Variants in RPS6KC1 observed in about 807,000 individuals in gnomAD.
RPS6KC1 encodes the protein ribosomal protein S6 kinase C1.
In RPS6KC1, 54 loss-of-function variants were observed where a neutral mutation model predicts 103.8. The observed-to-expected ratio is 0.52, with a 90% CI of 0.42 to 0.65. The LOEUF (loss-of-function observed/expected upper bound fraction) is 0.65, where lower values mean the gene tolerates loss of function less well. Among genes scored for constraint, RPS6KC1 ranks in the 30% least tolerant of loss-of-function variants. The pLI is 0.00. For missense variants in RPS6KC1, 1,151 were observed against 1,253.8 expected, an observed-to-expected ratio of 0.92 and a Z score of 1.24; for synonymous variants, 439 against 438.7, an observed-to-expected ratio of 1.00 and a Z score of -0.01.
the RPS6KC1 span, among the ~76,000 whole-genome samples, chr1:213,600,969 A>T: frequency 6.6e-6 from 1 of 152,246 alleles, no homozygotes; most frequent in African/African-American, 2.4e-5. Flanking sequence ...GGAGGATGAG[A>T]CAGTGGGGCT....
chr1:213,421,550 T>C, the RPS6KC1 span, among the ~76,000 whole-genome samples: 1 of 152,216 alleles, frequency 6.6e-6, no homozygotes, highest in Non-Finnish European at 1.5e-5. Flanking sequence ...GGGTTTGACA[T>C]CCATACAGGG....
At chr1:213,308,332 AAAGAG>A in the RPS6KC1 span, among the ~76,000 whole-genome samples, 1,662 of 151,424 alleles carry the variant, frequency 0.011, 54 homozygotes, top group East Asian at 0.083. Flanking sequence ...AAAAAAAAAA[AAAGAG>A]AGAAAGAAGA....
chr1:213,567,954 T>G, the RPS6KC1 span, among the ~76,000 whole-genome samples: 1 of 152,202 alleles, frequency 6.6e-6, no homozygotes. Flanking sequence ...TTGAGGAGCC[T>G]TTTGGATTTT....
chr1:213,438,099 C>G, the RPS6KC1 span, among the ~76,000 whole-genome samples: 1 of 152,030 alleles, frequency 6.6e-6, no homozygotes, highest in Non-Finnish European at 1.5e-5. Flanking sequence ...CTCTTTACTT[C>G]TTAACATTTG....
the RPS6KC1 span, among the ~76,000 whole-genome samples, chr1:213,549,271 G>A: frequency 1.3e-5 from 2 of 152,220 alleles, no homozygotes; most frequent in Non-Finnish European, 2.9e-5. Flanking sequence ...GTCTTAGGTG[G>A]TGGAGGAAGG....
chr1:213,461,147 C>G, the RPS6KC1 span, among the ~76,000 whole-genome samples: 1 of 152,142 alleles, frequency 6.6e-6, no homozygotes, highest in African/African-American at 2.4e-5. Flanking sequence ...CAATAATAAA[C>G]AGAGAGCCAA....
Position 213,240,951 on chromosome 1 carries a change from A to G in RPS6KC1, c.1475A>G (p.Asp492Gly). ...AGCAACCAGGAAGATGATGGCCAAGATAGCTCTCCAAAGTGGCCAGATTCT... is the reference window on the plus strand; with the variant it reads ...AGCAACCAGGAAGATGATGGCCAAGGTAGCTCTCCAAAGTGGCCAGATTCT... The part of the protein sequence containing the change: ...DDSNQEDDGQ[D>G]SSPKWPDSGS... The change falls in exon 11 of 15, where the codon GAT becomes GGT. Residue 492 changes from aspartate to glycine, a missense_variant. Transcript: ENST00000366960. The G allele has an allele frequency of 6.2e-7, 1 of 1,613,908 alleles. No homozygotes were observed. The highest frequency in any genetic ancestry group is 8.5e-7 in the Non-Finnish European group (1 of 1,179,954).
chr1:213,071,584 A>G (rs888753673), intron 2 of RPS6KC1, among the ~76,000 whole-genome samples: 9 of 152,202 alleles, frequency 5.9e-5, no homozygotes, highest in African/African-American at 2.2e-4. Context: ...GCTGTTTACT[A>G]AGTGATCATT....
intron 12 of RPS6KC1, among the ~76,000 whole-genome samples, chr1:213,258,907 A>T (rs1403038087): frequency 6.6e-6 from 1 of 152,128 alleles, no homozygotes; most frequent in African/African-American, 2.4e-5. Flanking sequence ...TAGCATATGT[A>T]CTTTGAAAGA....
chr1:213,594,415 A>G, the RPS6KC1 span, among the ~76,000 whole-genome samples: 1 of 152,220 alleles, frequency 6.6e-6, no homozygotes, highest in African/African-American at 2.4e-5. Flanking sequence ...TTATTAAATA[A>G]GTTTTACCCT....
At chr1:213,142,621 A>G (rs1303240020) in intron 6 of RPS6KC1, among the ~76,000 whole-genome samples, 1 of 152,054 alleles carries the variant, frequency 6.6e-6, no homozygotes, top group East Asian at 1.9e-4. Context: ...ACAGGGTTGC[A>G]AAGTATTTTT....
chr1:213,173,159 C>T (rs1316158608), intron 7 of RPS6KC1, among the ~76,000 whole-genome samples: 1 of 152,194 alleles, frequency 6.6e-6, no homozygotes, highest in Non-Finnish European at 1.5e-5. Context: ...CTTTTGCCAT[C>T]TGAAGAAAGG....
chr1:213,218,230 A>T (rs2148743977), intron 8 of RPS6KC1, among the ~76,000 whole-genome samples: 1 of 152,220 alleles, frequency 6.6e-6, no homozygotes, highest in African/African-American at 2.4e-5. Flanking sequence ...TACACCAATA[A>T]CAGACGGAGA....
chr1:213,595,322 G>A, the RPS6KC1 span, among the ~76,000 whole-genome samples: 1 of 152,134 alleles, frequency 6.6e-6, no homozygotes, highest in Non-Finnish European at 1.5e-5. Flanking sequence ...ACCTCAGAAT[G>A]AATGACCCAT....
the RPS6KC1 span, among the ~76,000 whole-genome samples, chr1:213,807,880 C>T: frequency 6.6e-6 from 1 of 152,142 alleles, no homozygotes; most frequent in Non-Finnish European, 1.5e-5. Flanking sequence ...AGTTTTTCTG[C>T]TGTGTTTTTT....
chr1:213,121,094 A>G (rs112395241), intron 5 of RPS6KC1, among the ~76,000 whole-genome samples: 1,589 of 152,110 alleles, frequency 0.01, 31 homozygotes, highest in African/African-American at 0.036. Context: ...TGCCTGGCTA[A>G]TTTTTCTTTT....
At chr1:213,226,340 G>C (rs2093962718) in intron 8 of RPS6KC1, among the ~76,000 whole-genome samples, 1 of 152,120 alleles carries the variant, frequency 6.6e-6, no homozygotes, top group Admixed American at 6.5e-5. Flanking sequence ...CTTTGCAGAA[G>C]GAAGGCCATG....
At chr1:213,584,443 G>A in the RPS6KC1 span, among the ~76,000 whole-genome samples, 1 of 152,230 alleles carries the variant, frequency 6.6e-6, no homozygotes, top group Admixed American at 6.5e-5. Context: ...TTCTAACAGA[G>A]AAATGGCTGC....
intron 10 of RPS6KC1, among the ~76,000 whole-genome samples, chr1:213,236,110 G>A (rs1197001959): frequency 1.3e-5 from 2 of 152,088 alleles, no homozygotes; most frequent in Admixed American, 6.5e-5. Context: ...AGGGATCTAG[G>A]TTGCACACTC....
Sources: allele counts gnomAD v4.1 joint callset (sites outside exome capture counted in the v4.1 genomes callset), GRCh38; gene constraint gnomAD v4.1.1; transcripts MANE v1.5; gene names NCBI Gene and HGNC (gene_info 2026-07-23, HGNC 2026-07-21).